The following VAX1 variants were observed in gnomAD, a reference collection of about 807,000 sequenced individuals.
VAX1 encodes ventral anterior homeobox 1.
VAX1 carries 6 observed loss-of-function variants against 17.6 expected under a neutral mutation model. The ratio of observed to expected loss-of-function variants is 0.34; its 90% CI spans 0.19 to 0.67. VAX1 has a LOEUF of 0.67. Among genes scored for constraint, VAX1 ranks in the 30% least tolerant of loss-of-function variants. VAX1 has a pLI of 0.69. For synonymous variants in VAX1, 256 were observed against 227.4 expected (o/e 1.13, Z -1.13); for missense variants, 408 against 463.7 (o/e 0.88, Z 1.10).
Position 117,136,587 on chromosome 10 carries a change from G to A in VAX1, c.314C>T (p.Thr105Met), listed in dbSNP as rs1233582980. Residue 105 changes from threonine to methionine, a missense_variant, in exon 2 of 3, where the codon ACG becomes ATG. Thr to Met is a moderately conservative substitution (Grantham distance 81, BLOSUM62 -1). Around this residue, in one of 4 missense-constraint regions of VAX1, gnomAD observed 75 missense variants for 116.1 expected, o/e 0.65. Coordinates refer to ENST00000369206, the MANE Select transcript of VAX1 (RefSeq NM_001112704.2). The surrounding 1 kb of genome is among the most constrained non-coding windows in gnomAD (Gnocchi z 5.0). ...LDLDRPKRTR[T>M]SFTAEQLYRL... Reference sequence around the variant, plus strand: ...ATAGAGCTGCTCCGCGGTGAAGGACGTGCGCGTCCTCTTAGGCCGGTCCAA... The same window carrying A: ...ATAGAGCTGCTCCGCGGTGAAGGACATGCGCGTCCTCTTAGGCCGGTCCAA... The A allele has an allele frequency of 1.2e-6, 2 of 1,613,824 alleles. No homozygotes were observed. The highest frequency in any genetic ancestry group is 1.3e-5 in the African/African-American group (1 of 74,948).
At position 117,137,848 on chromosome 10, in the gene VAX1, T is replaced by G; in HGVS notation, c.209A>C (p.Asp70Ala). Residue 70 changes from aspartate to alanine, a missense_variant, in exon 1 of 3, where the codon GAC becomes GCC. Asp to Ala is a moderately radical substitution (Grantham distance 126). This residue lies in a region of VAX1 where 133 missense variants were observed against 112.0 expected (regional missense o/e 1.19). Transcript: ENST00000369206. This position sits in a 1 kb window ranked among gnomAD's most constrained non-coding sequence, Gnocchi z 7.4. ...CAGGATCCGGCGGCAGTAATCCGGG[T>G]CCGCTGCGGAATTGGATTTACTTTT... Reference protein sequence around the residue: ...CNKSKSNSAADPDYCRRILVR... With the variant: ...CNKSKSNSAAAPDYCRRILVR... 1 of 1,612,878 alleles carries G rather than the reference T, an allele frequency of 6.2e-7. No individual in the cohort carries two copies.
At position 117,138,096 on chromosome 10, in the gene VAX1, C is replaced by CAA. The variant is rs34250461; in HGVS notation, c.-42_-41dup. The CAA allele has an allele frequency of 3.1e-4, 109 of 352,492 alleles. No homozygotes were observed. The highest frequency in any genetic ancestry group is 9.3e-4 in the Middle Eastern group (1 of 1,074). 21.8% of individuals were successfully genotyped at this position (352,492 alleles called of 1,614,324 possible). A position where few individuals can be genotyped will look rare whatever the true frequency, so the allele number is the denominator to read the frequency against. On this transcript the variant is annotated 5_prime_UTR_variant, in exon 1 of 3. Transcript: ENST00000369206. ...ACAAAAACAGAAAGGAAAAAAAAAG[C>CAA]AAAAAAAAAAAAAAGGGGGGGGGGC...
rs1221230922 is a variant in VAX1 at position 117,136,634 on chromosome 10, G to T, written c.267C>A (p.Ile89=). The change falls in exon 2 of 3, where the codon ATC becomes ATA. Residue 89 remains isoleucine (I), a synonymous_variant. Coordinates refer to ENST00000369206, the MANE Select transcript of VAX1 (RefSeq NM_001112704.2). The surrounding 1 kb of genome is among the most constrained non-coding windows in gnomAD (Gnocchi z 5.0). ...VRDAKGSIRE[I]ILPKGLDLDR... ...CCAAGTCCAGGCCCTTGGGCAGGAT[G>T]ATCTCTCGGATGGACCCCTTGGCAT... 5.6e-6 allele frequency: 9 copies of T among 1,607,792 alleles called. No individual in the cohort carries two copies. Among genetic ancestry groups the T allele is most frequent in the South Asian group, 1.1e-5 (1 of 90,982 alleles).
downstream of VAX1, chr10:117,133,289 C>T: frequency 2.0e-6 from 2 of 985,446 alleles, no homozygotes; most frequent in Non-Finnish European, 2.4e-6. Context: ...TCCACTTCAT[C>T]TGGTTTTACG....
chr10:117,136,438 G>T lies in VAX1; in HGVS notation c.429+34C>A. 6.2e-7 allele frequency: 1 copy of T among 1,610,612 alleles called. No homozygotes were observed. Among genetic ancestry groups the T allele is most frequent in the Non-Finnish European group, 8.5e-7 (1 of 1,179,512 alleles). On this transcript the variant is annotated intron_variant, in intron 2 of 2. Coordinates refer to ENST00000369206, the MANE Select transcript of VAX1 (RefSeq NM_001112704.2). The surrounding 1 kb of genome is among the most constrained non-coding windows in gnomAD (Gnocchi z 5.0). The stretch of plus-strand genomic sequence containing the variant: ...GTAGGGGTGGTGGGGAGGAAGGCTG[G>T]TGCAGAACTGTGTGCGGCCTGGTCG...
chr10:117,131,882 G>T, downstream of VAX1: 1 of 315,628 alleles, frequency 3.2e-6, no homozygotes, highest in Admixed American at 4.7e-5. Flanking sequence ...ATAAAACCTT[G>T]CCTATTCTGG....
At position 117,137,702 on chromosome 10, in the gene VAX1, T is replaced by C. The variant is rs1054029104; in HGVS notation, c.241+114A>G. ...TCGGGGCGGGGAGGGCCAACAACTT[T>C]CTCCCAAGTCCCAGCCGGCACTCCT... On this transcript the variant is annotated intron_variant, in intron 1 of 2. Coordinates refer to ENST00000369206, the MANE Select transcript of VAX1 (RefSeq NM_001112704.2). The surrounding 1 kb of genome is among the most constrained non-coding windows in gnomAD (Gnocchi z 7.4). 7 of 1,581,620 alleles carry C rather than the reference T, an allele frequency of 4.4e-6. No individual in the cohort carries two copies. The highest frequency in any genetic ancestry group is 6.0e-6 in the Non-Finnish European group (7 of 1,174,012).
rs150292614 is a variant in VAX1 at position 117,134,823 on chromosome 10, A to C, written c.430-240T>G. On this transcript the variant is annotated intron_variant, in intron 2 of 2. Coordinates refer to ENST00000369206, the MANE Select transcript of VAX1 (RefSeq NM_001112704.2). The surrounding 1 kb of genome is among the most constrained non-coding windows in gnomAD (Gnocchi z 6.2). The stretch of plus-strand genomic sequence containing the variant: ...CCGGGTCAGGGAAGCAGGCCCAGGC[A>C]GGCGCCGCTTACACAGAACAAAGTA... Among the ~76,000 whole-genome samples the C allele has an allele frequency of 3.5e-4, 53 of 152,180 alleles. No individual in the cohort carries two copies. The highest frequency in any genetic ancestry group is 6.8e-3 in the Middle Eastern group (2 of 294).
At chr10:117,130,210 C>T (rs941321912), downstream of VAX1, 1 of 152,128 alleles carries the variant, frequency 6.6e-6, no homozygotes, top group Non-Finnish European at 1.5e-5. Context: ...CGGAGCTGGA[C>T]CTCCCAAAGC....
chr10:117,134,659 CG>C lies in VAX1; in HGVS notation c.430-77del. 1 of 1,382,612 alleles carries C rather than the reference CG, an allele frequency of 7.2e-7. No individual in the cohort carries two copies. 85.6% of individuals were successfully genotyped at this position (1,382,612 alleles called of 1,614,324 possible). ...CGTCAAAGGAAGCGAGCTCCCGGGG[CG>C]CGCGGCTCCGGGGCTCTCCCCAAGT... On this transcript the variant is annotated intron_variant, in intron 2 of 2. Coordinates refer to ENST00000369206, the MANE Select transcript of VAX1 (RefSeq NM_001112704.2). This position sits in a 1 kb window ranked among gnomAD's most constrained non-coding sequence, Gnocchi z 6.2.
At position 117,137,997 on chromosome 10, in the gene VAX1, C is replaced by T. The variant is rs938675371; in HGVS notation, c.60G>A (p.Arg20=). The change falls in exon 1 of 3, where the codon CGG becomes CGA. Residue 20 remains arginine (R), a synonymous_variant. Transcript: ENST00000369206. This position sits in a 1 kb window ranked among gnomAD's most constrained non-coding sequence, Gnocchi z 7.4. ...VRCHSDAEAA[R]VSKNAHKESR... is the part of the protein sequence containing the mutation. Reference sequence around the variant, plus strand: ...TCTCCTTGTGCGCGTTCTTCGAGACCCGGGCAGCCTCGGCGTCCGAGTGGC... The same window carrying T: ...TCTCCTTGTGCGCGTTCTTCGAGACTCGGGCAGCCTCGGCGTCCGAGTGGC... 9.9e-6 allele frequency: 16 copies of T among 1,613,546 alleles called. No homozygotes were observed. Among genetic ancestry groups the T allele is most frequent in the Non-Finnish European group, 1.4e-5 (16 of 1,179,960 alleles).
rs1361398634 is a variant in VAX1, at chr10:117,134,868, A to C, written c.430-285T>G. On this transcript the variant is annotated intron_variant, in intron 2 of 2. Transcript: ENST00000369206. This position sits in a 1 kb window ranked among gnomAD's most constrained non-coding sequence, Gnocchi z 6.2. ...AAAGTAATAAAATGCCCACGGCAGG[A>C]ACTCGAAGGAAGACCGGAAAGGGTT... Among the ~76,000 whole-genome samples the C allele has an allele frequency of 2.0e-5, 3 of 152,166 alleles. No individual in the cohort carries two copies. The highest frequency in any genetic ancestry group is 2.9e-5 in the Non-Finnish European group (2 of 68,038).
Position 117,134,476 on chromosome 10 carries a change from T to C in VAX1, c.537A>G (p.Leu179=). The part of the protein sequence containing the change: ...VSETAATCSV[L]RLLEQGRLLS... The stretch of plus-strand genomic sequence containing the variant: ...ACAGGCGGCCCTGCTCCAGCAGCCG[T>C]AGCACGCTGCACGTGGCCGCGGTCT... The change falls in exon 3 of 3, where the codon CTA becomes CTG. Residue 179 remains leucine, a synonymous_variant. Coordinates refer to ENST00000369206, the MANE Select transcript of VAX1 (RefSeq NM_001112704.2). The surrounding 1 kb of genome is among the most constrained non-coding windows in gnomAD (Gnocchi z 6.2). The C allele has an allele frequency of 6.6e-7, 1 of 1,524,392 alleles. No individual in the cohort carries two copies. The highest frequency in any genetic ancestry group is 2.6e-5 in the East Asian group (1 of 38,920). 94.4% of individuals were successfully genotyped at this position (1,524,392 alleles called of 1,614,324 possible). A position where few individuals can be genotyped will look rare whatever the true frequency, so the allele number is the denominator to read the frequency against.
rs1020468326 is a variant in VAX1 at position 117,137,023 on chromosome 10, C to A, written c.242-364G>T. 6.6e-6 allele frequency among the ~76,000 whole-genome samples: 1 copy of A among 152,156 alleles called. No individual in the cohort carries two copies. Among genetic ancestry groups the A allele is most frequent in the Non-Finnish European group, 1.5e-5 (1 of 68,014 alleles). ...CCCTTGTCGCCCCGCCCGGGTCCTG[C>A]GGGCCCCAGCTCTGGGCTTGCCGAC... On this transcript the variant is annotated intron_variant, in intron 1 of 2. Coordinates refer to ENST00000369206, the MANE Select transcript of VAX1 (RefSeq NM_001112704.2). The surrounding 1 kb of genome is among the most constrained non-coding windows in gnomAD (Gnocchi z 7.4).
At position 117,134,094 on chromosome 10, in the gene VAX1, A is replaced by G; in HGVS notation, c.919T>C (p.Ser307Pro). 8 of 1,538,482 alleles carry G rather than the reference A, an allele frequency of 5.2e-6. No homozygotes were observed. The highest frequency in any genetic ancestry group is 7.0e-6 in the Non-Finnish European group (8 of 1,141,484). The change falls in exon 3 of 3, where the codon TCC (serine) becomes CCC (proline). Residue 307 changes from serine to proline, a missense_variant. By Grantham distance (74) the Ser-to-Pro change is moderately conservative (BLOSUM62 -1). Around this residue, in one of 4 missense-constraint regions of VAX1, gnomAD observed 196 missense variants for 218.7 expected, o/e 0.90. Coordinates refer to ENST00000369206, the MANE Select transcript of VAX1 (RefSeq NM_001112704.2). This position sits in a 1 kb window ranked among gnomAD's most constrained non-coding sequence, Gnocchi z 6.2. ...GCCGAGGAGCTCAGATATCGGGCGG[A>G]GAGTTCTTGCAAATTCCCAGCTAGC... ...GSLAGNLQEL[S>P]ARYLSSSAFE...
rs1854138841 is a variant in VAX1, at chr10:117,134,332, G to A, written c.681C>T (p.Ala227=). Reference sequence around the variant, plus strand: ...GGCCCGGGGCGGCGGCGGCGGCTGCGGCGGCCGAGCCTGCAGCGGCGCCCG... The same window carrying A: ...GGCCCGGGGCGGCGGCGGCGGCTGCAGCGGCCGAGCCTGCAGCGGCGCCCG... ...LGAGAAAGSA[A]AAAAAAPGPA... Residue 227 remains alanine, a synonymous_variant, in exon 3 of 3, where the codon GCC becomes GCT. Coordinates refer to ENST00000369206, the MANE Select transcript of VAX1 (RefSeq NM_001112704.2). This position sits in a 1 kb window ranked among gnomAD's most constrained non-coding sequence, Gnocchi z 6.2. 3 of 1,046,984 alleles carry A rather than the reference G, an allele frequency of 2.9e-6. No homozygotes were observed. The highest frequency in any genetic ancestry group is 3.4e-6 in the Non-Finnish European group (3 of 871,838). The allele number at this position is 1,046,984 out of a possible 1,614,324, so 64.9% of individuals were successfully genotyped here.
chr10:117,133,807 T>A lies in VAX1; in HGVS notation c.*201A>T. On this transcript the variant is annotated 3_prime_UTR_variant, in exon 3 of 3. Coordinates refer to ENST00000369206, the MANE Select transcript of VAX1 (RefSeq NM_001112704.2). ...AAGGAAGTTGGGGGTTGGGGAGGAA[T>A]CTCAGAGGAAAGGTAGTAGAAAAAA... The A allele has an allele frequency of 7.6e-7, 1 of 1,322,226 alleles. No homozygotes were observed. Among genetic ancestry groups the A allele is most frequent in the South Asian group, 2.1e-5 (1 of 47,722 alleles). The allele number at this position is 1,322,226 out of a possible 1,614,324, so 81.9% of individuals were successfully genotyped here. A position where few individuals can be genotyped will look rare whatever the true frequency, so the allele number is the denominator to read the frequency against.
In VAX1 at chr10:117,136,768, G is replaced by T; in HGVS notation, c.242-109C>A. On this transcript the variant is annotated intron_variant, in intron 1 of 2. Coordinates refer to ENST00000369206, the MANE Select transcript of VAX1 (RefSeq NM_001112704.2). The surrounding 1 kb of genome is among the most constrained non-coding windows in gnomAD (Gnocchi z 5.0). ...CCCAGAAGCGTGCAGTTTTGGGGATGGGGGGCGGGGTGCGGAGCGCGACCA... is the reference window on the plus strand; with the variant it reads ...CCCAGAAGCGTGCAGTTTTGGGGATTGGGGGCGGGGTGCGGAGCGCGACCA... The T allele has an allele frequency of 7.3e-7, 1 of 1,363,902 alleles. No homozygotes were observed. The highest frequency in any genetic ancestry group is 1.5e-5 in the South Asian group (1 of 67,418). 84.5% of individuals were successfully genotyped at this position (1,363,902 alleles called of 1,614,324 possible).
rs1476097600 is a variant in VAX1, at chr10:117,137,562, C to A, written c.241+254G>T. The stretch of plus-strand genomic sequence containing the variant: ...CCGCAGCCCGATGCCCGGCCGCACC[C>A]GCGCAGCCCCTCATCTCCCCCCGCA... On this transcript the variant is annotated intron_variant, in intron 1 of 2. Coordinates refer to ENST00000369206, the MANE Select transcript of VAX1 (RefSeq NM_001112704.2). The surrounding 1 kb of genome is among the most constrained non-coding windows in gnomAD (Gnocchi z 7.4). Among the ~76,000 whole-genome samples, 1 of 152,210 alleles carries A rather than the reference C, an allele frequency of 6.6e-6. No individual in the cohort carries two copies. The highest frequency in any genetic ancestry group is 2.4e-5 in the African/African-American group (1 of 41,464).
Sources: allele counts gnomAD v4.1 joint callset (sites outside exome capture counted in the v4.1 genomes callset), GRCh38; gene constraint gnomAD v4.1.1; regional missense constraint gnomAD v4.1.1; non-coding constraint Gnocchi (gnomAD v3.1); transcripts MANE v1.5; gene names NCBI Gene and HGNC (gene_info 2026-07-23, HGNC 2026-07-21).